Variants in DLG2 observed in about 807,000 individuals in gnomAD.
DLG2 encodes disks large homolog 2.
In DLG2, 45 loss-of-function variants were observed where a neutral mutation model predicts 132.5. That is an observed-to-expected ratio of 0.34 (90% CI 0.27 to 0.44). DLG2 has a LOEUF of 0.44. DLG2 is among the 20% of genes least tolerant of loss of function. DLG2 has a pLI of 1.00. For synonymous variants in DLG2, 424 were observed against 419.6 expected (o/e 1.01, Z -0.13); for missense variants, 1,045 against 1,196.9 (o/e 0.87, Z 1.87).
intron 14 of DLG2, among the ~76,000 whole-genome samples, chr11:83,955,118 G>A (rs2086507645): frequency 6.6e-6 from 1 of 152,074 alleles, no homozygotes; most frequent in African/African-American, 2.4e-5. Context: ...ACAATTATCA[G>A]GTACTTATTT....
chr11:84,605,940 T>C (rs1003803928), intron 6 of DLG2, among the ~76,000 whole-genome samples: 7 of 152,074 alleles, frequency 4.6e-5, no homozygotes, highest in Non-Finnish European at 8.8e-5. Context: ...CAGGAAACCA[T>C]TCCTATTATT....
At chr11:84,547,890 T>C (rs960574963) in intron 6 of DLG2, among the ~76,000 whole-genome samples, 2 of 152,158 alleles carry the variant, frequency 1.3e-5, no homozygotes, top group African/African-American at 4.8e-5. Context: ...TCCTGTGTAC[T>C]CCACCATGAC....
At chr11:84,029,556 C>A (rs2625510) in intron 11 of DLG2, among the ~76,000 whole-genome samples, 132,946 of 152,094 alleles carry the variant, frequency 0.87, 58,343 homozygotes, top group Middle Eastern at 0.93. Context: ...TGAGCTTTAC[C>A]GATGAAAGGG....
intron 6 of DLG2, among the ~76,000 whole-genome samples, chr11:84,936,188 T>C (rs1201936738): frequency 6.6e-6 from 1 of 152,216 alleles, no homozygotes; most frequent in East Asian, 1.9e-4. Flanking sequence ...GCTTTGGCAT[T>C]AACTAGATAT....
Position 83,477,774 on chromosome 11 carries a change from G to T in DLG2, c.2294-4997C>A, listed in dbSNP as rs2092736303. Among the ~76,000 whole-genome samples the T allele has an allele frequency of 2.0e-5, 3 of 151,884 alleles. No individual in the cohort carries two copies. The South Asian group carries it at 6.2e-4, about 32-fold the overall frequency. Reference sequence around the variant, plus strand: ...TTTGTATTTGTTTATACTATTTTTAGTCATAATTACAGCAAAAGCCAGGAA... The same window carrying T: ...TTTGTATTTGTTTATACTATTTTTATTCATAATTACAGCAAAAGCCAGGAA... On this transcript the variant is annotated intron_variant, in intron 22 of 27. Coordinates refer to ENST00000376104, the MANE Select transcript of DLG2 (RefSeq NM_001142699.3).
intron 7 of DLG2, among the ~76,000 whole-genome samples, chr11:84,251,825 G>C (rs1598393287): frequency 1.3e-5 from 2 of 151,710 alleles, no homozygotes; most frequent in East Asian, 3.9e-4. Flanking sequence ...ATTTTTAGTA[G>C]AGACGGGGTT....
intron 11 of DLG2, among the ~76,000 whole-genome samples, chr11:83,995,511 C>T (rs2093975053): frequency 6.6e-6 from 1 of 152,022 alleles, no homozygotes. Flanking sequence ...TTAAAAAATA[C>T]ATCAAGCTAT....
intron 20 of DLG2, among the ~76,000 whole-genome samples, chr11:83,537,145 A>G (rs1030758477): frequency 4.6e-5 from 7 of 152,178 alleles, no homozygotes; most frequent in African/African-American, 1.4e-4. Flanking sequence ...AAAAACATAA[A>G]TGGAATGGCA....
intron 7 of DLG2, among the ~76,000 whole-genome samples, chr11:84,490,063 A>G (rs1407479474): frequency 3.3e-5 from 5 of 152,202 alleles, no homozygotes; most frequent in Non-Finnish European, 7.3e-5. Context: ...ATTAACAAAT[A>G]TCGAGAAATC....
At chr11:84,978,869 G>A (rs1458369459) in intron 6 of DLG2, among the ~76,000 whole-genome samples, 2 of 152,092 alleles carry the variant, frequency 1.3e-5, no homozygotes, top group African/African-American at 4.8e-5. Flanking sequence ...CCATCAGAGT[G>A]AACAGGCAAC....
intron 19 of DLG2, among the ~76,000 whole-genome samples, chr11:83,561,472 CA>C (rs1399127467): frequency 6.6e-6 from 1 of 152,146 alleles, no homozygotes; most frequent in African/African-American, 2.4e-5. Flanking sequence ...AAGGAGACTG[CA>C]AGTAAAGAGT....
chr11:84,338,676 G>A (rs1328439806), intron 7 of DLG2, among the ~76,000 whole-genome samples: 1 of 152,030 alleles, frequency 6.6e-6, no homozygotes, highest in East Asian at 1.9e-4. Context: ...TGTGGTGGCA[G>A]TCACCTGTAA....
intron 16 of DLG2, among the ~76,000 whole-genome samples, chr11:83,842,847 T>C (rs1308486754): frequency 6.7e-6 from 1 of 150,366 alleles, no homozygotes; most frequent in Non-Finnish European, 1.5e-5. Context: ...GGAAAATTAC[T>C]ACTTACACTG....
At position 85,423,387 on chromosome 11, in the gene DLG2, C is replaced by T. The variant is rs1231088870; in HGVS notation, c.41-138022G>A. Among the ~76,000 whole-genome samples the T allele has an allele frequency of 7.2e-5, 11 of 152,154 alleles. No individual in the cohort carries two copies. The East Asian group carries it at 2.1e-3, about 29-fold the overall frequency. On this transcript the variant is annotated intron_variant, in intron 3 of 27. Transcript: ENST00000376104. ...TTCTTAGCTTTGGTGGTTTAATGCA[C>T]TATATTTTGCTGGTTGGCCTCCTGC...
intron 15 of DLG2, among the ~76,000 whole-genome samples, chr11:83,891,269 A>C (rs761854006): frequency 2.6e-5 from 2 of 77,844 alleles, no homozygotes; most frequent in Non-Finnish European, 4.9e-5. Flanking sequence ...AAAAAGACTA[A>C]GAAGGAGAGA....
chr11:83,504,807 C>T (rs887123871), intron 21 of DLG2, among the ~76,000 whole-genome samples: 1 of 152,150 alleles, frequency 6.6e-6, no homozygotes, highest in Non-Finnish European at 1.5e-5. Flanking sequence ...ATATTAGTTG[C>T]TGATTCAGAG....
chr11:85,596,840 C>T (rs932373609), intron 3 of DLG2, among the ~76,000 whole-genome samples: 8 of 152,178 alleles, frequency 5.3e-5, no homozygotes, highest in African/African-American at 1.9e-4. Flanking sequence ...CCCAAACATT[C>T]AATAATAATA....
intron 19 of DLG2, among the ~76,000 whole-genome samples, chr11:83,587,595 G>T (rs1036853526): frequency 2.6e-5 from 4 of 152,160 alleles, no homozygotes; most frequent in East Asian, 1.9e-4. Context: ...TTTATATATA[G>T]AGAGAGTTTC....
At chr11:84,583,785 T>G (rs1395458692) in intron 6 of DLG2, among the ~76,000 whole-genome samples, 2 of 152,152 alleles carry the variant, frequency 1.3e-5, no homozygotes, top group African/African-American at 4.8e-5. Flanking sequence ...TAAATGTGCT[T>G]CTTTTTGACC....
Sources: gnomAD v4.1 joint callset for allele counts (sites outside exome capture counted in the v4.1 genomes callset) on GRCh38, gnomAD v4.1.1 for gene constraint, MANE v1.5 for transcripts, NCBI Gene and HGNC (gene_info 2026-07-23, HGNC 2026-07-21) for gene names.